The following RABGAP1L variants were observed in gnomAD, a reference collection of about 807,000 sequenced individuals.
The protein encoded by RABGAP1L is RAB GTPase activating protein 1 like.
In RABGAP1L, 63 loss-of-function variants were observed where a neutral mutation model predicts 137.7. The ratio of observed to expected loss-of-function variants is 0.46; its 90% CI spans 0.37 to 0.56. The LOEUF (loss-of-function observed/expected upper bound fraction) is 0.56, where lower values mean the gene tolerates loss of function less well. RABGAP1L is among the 20% of genes least tolerant of loss of function. RABGAP1L has a pLI of 0.00. For missense variants in RABGAP1L, 1,095 were observed against 1,244.0 expected (o/e 0.88, Z 1.80); for synonymous variants, 431 against 433.7 (o/e 0.99, Z 0.08).
intron 13 of RABGAP1L, among the ~76,000 whole-genome samples, chr1:174,589,332 C>G (rs530462271): frequency 2.0e-5 from 3 of 151,932 alleles, no homozygotes; most frequent in African/African-American, 7.2e-5. Context: ...GTTGGAGCTC[C>G]TTATATATTC....
chr1:174,598,023 T>C (rs1455240831), intron 13 of RABGAP1L, among the ~76,000 whole-genome samples: 1 of 152,186 alleles, frequency 6.6e-6, no homozygotes, highest in Non-Finnish European at 1.5e-5. Flanking sequence ...ATAATTGATA[T>C]GATTTCAGGT....
At chr1:174,233,038 G>A (rs939502990) in intron 4 of RABGAP1L, among the ~76,000 whole-genome samples, 11 of 152,064 alleles carry the variant, frequency 7.2e-5, no homozygotes, top group African/African-American at 2.7e-4. Context: ...CAGCATATTT[G>A]GTGTCTGGTG....
chr1:174,384,540 A>T (rs1037125542), intron 12 of RABGAP1L, among the ~76,000 whole-genome samples: 1 of 151,900 alleles, frequency 6.6e-6, no homozygotes, highest in Non-Finnish European at 1.5e-5. Context: ...AAAAAAAAAG[A>T]AATTTATGTC....
intron 3 of RABGAP1L, among the ~76,000 whole-genome samples, chr1:174,224,983 C>T (rs1182835432): frequency 2.0e-5 from 3 of 151,292 alleles, no homozygotes; most frequent in Non-Finnish European, 4.4e-5. Flanking sequence ...AAATTTATAT[C>T]TTTAACCAAA....
intron 14 of RABGAP1L, among the ~76,000 whole-genome samples, chr1:174,679,660 G>A (rs1355162372): frequency 6.6e-6 from 1 of 152,066 alleles, no homozygotes; most frequent in African/African-American, 2.4e-5. Flanking sequence ...CAAACAACAT[G>A]GTTATGCATG....
intron 11 of RABGAP1L, among the ~76,000 whole-genome samples, chr1:174,350,342 T>G (rs1307630135): frequency 1.5e-5 from 1 of 66,216 alleles, no homozygotes; most frequent in African/African-American, 6.3e-5. Context: ...GACGGGGTGG[T>G]TGCCAGGCAG....
chr1:174,408,132 A>G (rs1306698227), intron 13 of RABGAP1L, among the ~76,000 whole-genome samples: 2 of 152,166 alleles, frequency 1.3e-5, no homozygotes, highest in African/African-American at 4.8e-5. Flanking sequence ...AATGTATTGC[A>G]TGATGCTGAA....
At chr1:174,383,058 G>A (rs1190229902) in intron 12 of RABGAP1L, among the ~76,000 whole-genome samples, 2 of 151,324 alleles carry the variant, frequency 1.3e-5, no homozygotes, top group Non-Finnish European at 2.9e-5. Context: ...GATGTGAGGT[G>A]TCAGTGTGCC....
intron 13 of RABGAP1L, among the ~76,000 whole-genome samples, chr1:174,546,721 G>T (rs1454224634): frequency 6.6e-6 from 1 of 152,146 alleles, no homozygotes; most frequent in East Asian, 1.9e-4. Context: ...TTAGTAAATT[G>T]CATCCTTTGC....
intron 14 of RABGAP1L, among the ~76,000 whole-genome samples, chr1:174,653,806 G>A (rs72715274): frequency 0.049 from 7,474 of 152,308 alleles, 271 homozygotes; most frequent in Non-Finnish European, 0.072. Flanking sequence ...GAGGGAAGAA[G>A]CTATCTCATA....
chr1:174,534,775 C>CAAAAAAA (rs71117567), intron 13 of RABGAP1L, among the ~76,000 whole-genome samples: 9 of 71,622 alleles, frequency 1.3e-4, no homozygotes, highest in East Asian at 7.7e-4. Context: ...ACTCTGTCTC[C>CAAAAAAA]AAAAAAAAAA....
intron 11 of RABGAP1L, among the ~76,000 whole-genome samples, chr1:174,306,801 A>G (rs1678304456): frequency 1.3e-5 from 2 of 152,152 alleles, no homozygotes; most frequent in Non-Finnish European, 2.9e-5. Flanking sequence ...TCTGTGCTCA[A>G]TACTCTTTTT....
chr1:174,712,274 T>C (rs1196160331), intron 17 of RABGAP1L, among the ~76,000 whole-genome samples: 1 of 152,210 alleles, frequency 6.6e-6, no homozygotes, highest in Non-Finnish European at 1.5e-5. Context: ...TCTTTTGCTC[T>C]TTGCAGTAAA....
chr1:174,285,408 G>A (rs889147003), intron 10 of RABGAP1L, among the ~76,000 whole-genome samples: 1 of 151,960 alleles, frequency 6.6e-6, no homozygotes, highest in African/African-American at 2.4e-5. Context: ...TACTGTAAAT[G>A]GGATTTTTTT....
intron 9 of RABGAP1L, among the ~76,000 whole-genome samples, chr1:174,276,987 G>T (rs1266554974): frequency 9.8e-6 from 1 of 101,732 alleles, no homozygotes; most frequent in Non-Finnish European, 1.8e-5. Flanking sequence ...GGATCAGTTT[G>T]TTTTATCATT....
chr1:174,345,438 T>G (rs1682348903), intron 11 of RABGAP1L, among the ~76,000 whole-genome samples: 1 of 152,206 alleles, frequency 6.6e-6, no homozygotes, highest in Admixed American at 6.5e-5. Flanking sequence ...TATCTTTTTA[T>G]TTTTTGGTGT....
intron 2 of RABGAP1L, 45 bp downstream of exon 2, chr1:174,219,340 C>T (rs1369240506): frequency 7.6e-7 from 1 of 1,315,126 alleles, no homozygotes; most frequent in Non-Finnish European, 1.0e-6. Context: ...TAATTAAAAA[C>T]TATTTGAAAC....
At chr1:174,978,319 TC>T (rs1670821247) in intron 22 of RABGAP1L, among the ~76,000 whole-genome samples, 2 of 152,128 alleles carry the variant, frequency 1.3e-5, no homozygotes, top group Non-Finnish European at 2.9e-5. Context: ...ACTCTTATCT[TC>T]CCCCGTCTTT....
At chr1:174,881,610 CT>C (rs1165144776) in intron 19 of RABGAP1L, among the ~76,000 whole-genome samples, 1 of 143,748 alleles carries the variant, frequency 7.0e-6, no homozygotes, top group Non-Finnish European at 1.5e-5. Context: ...AGCAATTCTT[CT>C]GCTTAAGCCT....
Sources: allele counts gnomAD v4.1 joint callset (sites outside exome capture counted in the v4.1 genomes callset), GRCh38; gene constraint gnomAD v4.1.1; transcripts MANE v1.5; gene names NCBI Gene and HGNC (gene_info 2026-07-23, HGNC 2026-07-21).